The following PCGF5 variants were observed in gnomAD, a reference collection of about 807,000 sequenced individuals.
PCGF5 encodes the protein polycomb group ring finger 5.
Under a neutral mutation model 44.3 loss-of-function variants are expected in PCGF5, and 9 were observed. The observed-to-expected ratio is 0.20, with a 90% CI of 0.12 to 0.35. The LOEUF is 0.35. Ranked by LOEUF, PCGF5 falls within the 10% of genes least tolerant of loss-of-function variation. The pLI, the probability that PCGF5 is intolerant of heterozygous loss-of-function variation, is 1.00. For missense variants in PCGF5, 146 were observed against 305.3 expected, an observed-to-expected ratio of 0.48 and a Z score of 3.89; for synonymous variants, 95 against 102.5, an observed-to-expected ratio of 0.93 and a Z score of 0.44.
At chr10:91,174,846 A>G (rs892096854) in intron 1 of PCGF5, among the ~76,000 whole-genome samples, 2 of 152,230 alleles carry the variant, frequency 1.3e-5, no homozygotes, top group Non-Finnish European at 2.9e-5. Flanking sequence ...GCATGTGTTT[A>G]CTGTCAGTCT....
intron 1 of PCGF5, among the ~76,000 whole-genome samples, chr10:91,166,870 G>C (rs1346280786): frequency 6.6e-6 from 1 of 152,150 alleles, no homozygotes; most frequent in African/African-American, 2.4e-5. Flanking sequence ...TGTATAAAAG[G>C]CTCTTAATAA....
intron 1 of PCGF5, among the ~76,000 whole-genome samples, chr10:91,169,620 A>C (rs1453355596): frequency 6.6e-6 from 1 of 152,250 alleles, no homozygotes; most frequent in Non-Finnish European, 1.5e-5. Flanking sequence ...AATTTTGATA[A>C]AAGAAATCAA....
chr10:91,258,956 T>C (rs1483378136), intron 6 of PCGF5, among the ~76,000 whole-genome samples: 1 of 152,168 alleles, frequency 6.6e-6, no homozygotes, highest in East Asian at 1.9e-4. Flanking sequence ...TACATACAAA[T>C]AGGAGTAATA....
intron 1 of PCGF5, among the ~76,000 whole-genome samples, chr10:91,190,039 G>C (rs887474733): frequency 1.3e-5 from 2 of 152,184 alleles, no homozygotes; most frequent in African/African-American, 4.8e-5. Flanking sequence ...ACCACAAACT[G>C]TATGGTTTAT....
At chr10:91,216,024 G>A (rs1394886236), upstream of PCGF5, among the ~76,000 whole-genome samples, 1 of 152,186 alleles carries the variant, frequency 6.6e-6, no homozygotes, top group Non-Finnish European at 1.5e-5. Context: ...AAATTATTCA[G>A]TTTTTCAATA....
intron 1 of PCGF5, among the ~76,000 whole-genome samples, chr10:91,183,493 C>T (rs1843860493): frequency 6.6e-6 from 1 of 151,900 alleles, no homozygotes; most frequent in Non-Finnish European, 1.5e-5. Context: ...GAATATAGCA[C>T]ATCGATGAAT....
intron 6 of PCGF5, among the ~76,000 whole-genome samples, chr10:91,256,340 C>T (rs1161881305): frequency 6.6e-6 from 1 of 151,088 alleles, no homozygotes; most frequent in Admixed American, 6.6e-5. Flanking sequence ...AGACTTGAGC[C>T]AAAGAAAAAG....
intron 1 of PCGF5, among the ~76,000 whole-genome samples, chr10:91,167,426 C>T (rs1843519269): frequency 6.6e-6 from 1 of 152,160 alleles, no homozygotes; most frequent in Non-Finnish European, 1.5e-5. Flanking sequence ...GAGGAAAAGA[C>T]TATTTCTAGC....
intron 1 of PCGF5, among the ~76,000 whole-genome samples, chr10:91,188,087 C>T (rs915282850): frequency 7.2e-5 from 11 of 152,174 alleles, no homozygotes; most frequent in African/African-American, 2.2e-4. Context: ...TTAACTCCCC[C>T]GAACAGGAAC....
At chr10:91,172,378 C>T (rs1427683413) in intron 1 of PCGF5, among the ~76,000 whole-genome samples, 1 of 152,008 alleles carries the variant, frequency 6.6e-6, no homozygotes, top group Non-Finnish European at 1.5e-5. Flanking sequence ...GGGATTGTGC[C>T]ACTGCACTCC....
intron 2 of PCGF5, among the ~76,000 whole-genome samples, chr10:91,233,686 G>A (rs1845073228): frequency 2.0e-5 from 3 of 152,136 alleles, no homozygotes; most frequent in African/African-American, 7.2e-5. Flanking sequence ...ATCAAAAGCA[G>A]GAAACTGATG....
At chr10:91,271,200 G>A (rs68172749) in intron 8 of PCGF5, among the ~76,000 whole-genome samples, 5,639 of 151,960 alleles carry the variant, frequency 0.037, 148 homozygotes, top group Middle Eastern at 0.086. Flanking sequence ...CAGGTTGAGC[G>A]GAGTTCCACG....
At chr10:91,271,152 A>G (rs1846172072) in intron 8 of PCGF5, among the ~76,000 whole-genome samples, 1 of 147,498 alleles carries the variant, frequency 6.8e-6, no homozygotes, top group Non-Finnish European at 1.5e-5. Context: ...ATAAAGCAAC[A>G]TAAAGAACCT....
intron 1 of PCGF5, among the ~76,000 whole-genome samples, chr10:91,176,063 C>T (rs1340356685): frequency 6.6e-6 from 1 of 152,094 alleles, no homozygotes; most frequent in Non-Finnish European, 1.5e-5. Flanking sequence ...TGTTCCTTTC[C>T]ATGTTTAGTG....
Position 91,281,972 on chromosome 10 carries a change from G to C in PCGF5, c.*3656G>C, listed in dbSNP as rs904555504. ...GAAAGTTCAGATTTTTAATTTGAGA[G>C]GGTTTTTATTTCATGGAGGCAGTGT... On this transcript the variant is annotated 3_prime_UTR_variant, in exon 10 of 10. Coordinates refer to ENST00000336126, the MANE Select transcript of PCGF5 (RefSeq NM_032373.5). 7.2e-5 allele frequency: 11 copies of C among 152,070 alleles called. No individual in the cohort carries two copies. The highest frequency in any genetic ancestry group is 2.7e-4 in the African/African-American group (11 of 41,420). 9.4% of individuals were successfully genotyped at this position (152,070 alleles called of 1,614,324 possible). A position where few individuals can be genotyped will look rare whatever the true frequency, so the allele number is the denominator to read the frequency against.
chr10:91,234,984 A>G (rs981362939), intron 2 of PCGF5, among the ~76,000 whole-genome samples: 14 of 152,124 alleles, frequency 9.2e-5, no homozygotes, highest in Admixed American at 2.6e-4. Flanking sequence ...GTCCTGTCAT[A>G]ATGGTTTCTT....
At chr10:91,225,820 G>A (rs1844817628) in intron 2 of PCGF5, among the ~76,000 whole-genome samples, 1 of 152,040 alleles carries the variant, frequency 6.6e-6, no homozygotes, top group Admixed American at 6.5e-5. Context: ...AAATTGTACT[G>A]CAAAGCAGTA....
chr10:91,245,420 G>A (rs996761049), intron 3 of PCGF5, among the ~76,000 whole-genome samples: 1 of 152,076 alleles, frequency 6.6e-6, no homozygotes, highest in Non-Finnish European at 1.5e-5. Context: ...AGAGGAATTA[G>A]CAACAGTGAG....
Position 91,227,808 on chromosome 10 carries a change from T to C in PCGF5, c.112+4825T>C, listed in dbSNP as rs562369152. 1.5e-4 allele frequency: 150 copies of C among 989,046 alleles called. 2 individuals are homozygous for C. In the South Asian group the frequency reaches 5.7e-3, roughly 37 times the overall value. The allele number at this position is 989,046 out of a possible 1,614,324, so 61.3% of individuals were successfully genotyped here. On this transcript the variant is annotated intron_variant, in intron 2 of 9. Coordinates refer to ENST00000336126, the MANE Select transcript of PCGF5 (RefSeq NM_032373.5). ...CATACAAATACTTGGTTCAACTGTT[T>C]GCTCTCCTTGAAATGAATGCCTCCT... is the stretch of plus-strand genomic sequence containing the variant.
Sources: allele counts gnomAD v4.1 joint callset (sites outside exome capture counted in the v4.1 genomes callset), GRCh38; gene constraint gnomAD v4.1.1; transcripts MANE v1.5; gene names NCBI Gene and HGNC (gene_info 2026-07-23, HGNC 2026-07-21).